STXBP4: variants seen among roughly 807,000 people sequenced by gnomAD.
STXBP4 encodes syntaxin-binding protein 4.
Under a neutral mutation model 76.1 loss-of-function variants are expected in STXBP4, and 55 were observed. That is an observed-to-expected ratio of 0.72 (90% CI 0.58 to 0.91). The LOEUF (loss-of-function observed/expected upper bound fraction) is 0.91. Among genes scored for constraint, STXBP4 ranks in the 40% least tolerant of loss-of-function variants. STXBP4 has a pLI of 0.00. For missense variants in STXBP4, 618 were observed against 636.9 expected, an observed-to-expected ratio of 0.97 and a Z score of 0.32; for synonymous variants, 201 against 220.2, an observed-to-expected ratio of 0.91 and a Z score of 0.77.
rs763657265 is a variant in STXBP4 at position 54,990,871 on chromosome 17, G to T, written c.94G>T (p.Gly32Cys). The T allele has an allele frequency of 6.2e-7, 1 of 1,604,160 alleles. No individual in the cohort carries two copies. The highest frequency in any genetic ancestry group is 8.5e-7 in the Non-Finnish European group (1 of 1,176,846). The stretch of plus-strand genomic sequence containing the variant: ...TACAATTGCCAAGGAAACAGGCCTT[G>T]GCCTGAAGGTACTAGGAGGAATTAA... ...MITIAKETGL[G>C]LKVLGGINRN... The change falls in exon 4 of 18, where the codon GGC becomes TGC. Residue 32 changes from glycine (G) to cysteine (C), a missense_variant. By Grantham distance (159) the Gly-to-Cys change is radical (BLOSUM62 -3). Coordinates refer to ENST00000376352, the MANE Select transcript of STXBP4 (RefSeq NM_178509.6).
the STXBP4 span, among the ~76,000 whole-genome samples, chr17:55,202,429 TTAAA>T: frequency 6.6e-6 from 1 of 151,946 alleles, no homozygotes; most frequent in Non-Finnish European, 1.5e-5. Context: ...TTTCACAAAA[TTAAA>T]TGACATTTAA....
Position 55,047,095 on chromosome 17 carries a change from T to C in STXBP4, c.952T>C (p.Leu318=). ...TGGTGGTTTTTAAATATAGGAAAAA[T>C]TATTGGAATCAGATAAGCAAAGGAA... is the stretch of plus-strand genomic sequence containing the variant. The part of the protein sequence containing the change: ...LKEVNTLKEK[L]LESDKQRKQL... Residue 318 remains leucine, a synonymous_variant, in exon 12 of 18, where the codon TTA becomes CTA. Transcript: ENST00000376352. The C allele has an allele frequency of 6.2e-7, 1 of 1,601,306 alleles. No individual in the cohort carries two copies.
chr17:55,207,321 C>T, the STXBP4 span, among the ~76,000 whole-genome samples: 1 of 152,140 alleles, frequency 6.6e-6, no homozygotes, highest in East Asian at 1.9e-4. Context: ...CTCCCACAGA[C>T]ACACTCGAGG....
intron 16 of STXBP4, among the ~76,000 whole-genome samples, chr17:55,122,093 T>G (rs1024717971): frequency 7.2e-5 from 11 of 152,196 alleles, no homozygotes; most frequent in African/African-American, 2.7e-4. Flanking sequence ...TATGCCACAT[T>G]TTTTTCTAAA....
Position 55,144,309 on chromosome 17 carries a change from G to GT in STXBP4, c.1547+2951dup, listed in dbSNP as rs202053736. Among the ~76,000 whole-genome samples the GT allele has an allele frequency of 2.2e-4, 34 of 151,552 alleles. 1 individual carries two copies. Among genetic ancestry groups the GT allele is most frequent in the South Asian group, 4.2e-4 (2 of 4,772 alleles). On this transcript the variant is annotated intron_variant, in intron 17 of 17. Coordinates refer to ENST00000376352, the MANE Select transcript of STXBP4 (RefSeq NM_178509.6). ...GGAATGGGGTGTTTGGCATAAGTTA[G>GT]TTTTTTTTTGTTGGAACTTAACCCT... is the stretch of plus-strand genomic sequence containing the variant.
chr17:55,102,504 AT>A (rs2079579351), intron 16 of STXBP4, among the ~76,000 whole-genome samples: 1 of 151,822 alleles, frequency 6.6e-6, no homozygotes, highest in Non-Finnish European at 1.5e-5. Context: ...TATGTGCGAT[AT>A]TTTCTTTATC....
intron 16 of STXBP4, among the ~76,000 whole-genome samples, chr17:55,126,739 C>T (rs2079917109): frequency 6.6e-6 from 1 of 152,140 alleles, no homozygotes; most frequent in Non-Finnish European, 1.5e-5. Flanking sequence ...GAAATCATTC[C>T]AAAGTGCTTA....
chr17:55,198,656 GA>G, the STXBP4 span, among the ~76,000 whole-genome samples: 1 of 152,156 alleles, frequency 6.6e-6, no homozygotes, highest in African/African-American at 2.4e-5. Context: ...GACTTTAAAT[GA>G]AGCAGATCTG....
In STXBP4 at chr17:55,043,160, CA is replaced by C. The variant is rs1385671890; in HGVS notation, c.856-71del. Reference sequence around the variant, plus strand: ...TAGAATACAGAAGCCTAAGATTAGTCAAAAATGATTTTTATGTTACCTCTCA... The same window carrying C: ...TAGAATACAGAAGCCTAAGATTAGTCAAAATGATTTTTATGTTACCTCTCA... On this transcript the variant is annotated intron_variant, in intron 10 of 17. Transcript: ENST00000376352. 1.2e-5 allele frequency: 8 copies of C among 690,000 alleles called. No homozygotes were observed. The South Asian group carries it at 1.4e-4, about 12-fold the overall frequency. 42.7% of individuals were successfully genotyped at this position (690,000 alleles called of 1,614,324 possible).
chr17:55,023,546 T>A (rs1038456080), intron 8 of STXBP4, among the ~76,000 whole-genome samples: 66 of 152,262 alleles, frequency 4.3e-4, no homozygotes, highest in Non-Finnish European at 6.6e-4. Context: ...GGACAATTTG[T>A]GGTGTTGTTT....
At chr17:55,079,186 A>G (rs1054833477) in intron 15 of STXBP4, among the ~76,000 whole-genome samples, 6 of 152,170 alleles carry the variant, frequency 3.9e-5, no homozygotes, top group African/African-American at 1.4e-4. Context: ...GTAGCTATAA[A>G]TAAAAGAAAT....
At chr17:55,018,618 A>T (rs1439428115) in intron 8 of STXBP4, among the ~76,000 whole-genome samples, 2 of 152,240 alleles carry the variant, frequency 1.3e-5, no homozygotes, top group African/African-American at 4.8e-5. Flanking sequence ...AAACAGGCTG[A>T]GTCCAAAAAA....
At chr17:55,194,433 A>G in the STXBP4 span, among the ~76,000 whole-genome samples, 5 of 152,158 alleles carry the variant, frequency 3.3e-5, no homozygotes, top group African/African-American at 9.7e-5. Context: ...GCAGTGAGGA[A>G]TCTAGAGCTC....
the STXBP4 span, among the ~76,000 whole-genome samples, chr17:55,179,448 G>T: frequency 2.0e-5 from 3 of 152,108 alleles, no homozygotes; most frequent in Non-Finnish European, 4.4e-5. Flanking sequence ...TGGGCTGCAG[G>T]CATCTCATTA....
chr17:55,148,890 G>A (rs1280240456), intron 17 of STXBP4, among the ~76,000 whole-genome samples: 1 of 152,140 alleles, frequency 6.6e-6, no homozygotes, highest in African/African-American at 2.4e-5. Context: ...TCATTAATTT[G>A]GGGGCTTTGA....
chr17:54,970,560 T>C (rs2077380391), intron 1 of STXBP4, among the ~76,000 whole-genome samples: 1 of 152,230 alleles, frequency 6.6e-6, no homozygotes, highest in Non-Finnish European at 1.5e-5. Context: ...TCATATTGTG[T>C]GATGACAGTG....
intron 12 of STXBP4, among the ~76,000 whole-genome samples, chr17:55,059,268 A>T (rs1332904420): frequency 1.3e-5 from 2 of 152,152 alleles, no homozygotes; most frequent in African/African-American, 4.8e-5. Context: ...TACTGTGTGT[A>T]CATATTGGTG....
chr17:55,038,987 G>A (rs2078650584), intron 10 of STXBP4, among the ~76,000 whole-genome samples: 1 of 152,074 alleles, frequency 6.6e-6, no homozygotes, highest in Non-Finnish European at 1.5e-5. Context: ...TTCTCACCAC[G>A]TATAGCAGTA....
Position 54,984,346 on chromosome 17 carries a change from T to C in STXBP4, c.-156-1268T>C, listed in dbSNP as rs1467564967. On this transcript the variant is annotated intron_variant, in intron 1 of 17. Transcript: ENST00000376352. ...ACTCTCTTTTTCTTTTTTCTTTTTT[T>C]TTTTTTTTTTTTTTGAGACGGAGTC... 3.9e-4 allele frequency among the ~76,000 whole-genome samples: 51 copies of C among 129,116 alleles called. No individual in the cohort carries two copies. The East Asian group carries it at 4.4e-3, about 11-fold the overall frequency. 84.7% of individuals were successfully genotyped at this position (129,116 alleles called of 152,430 possible).
Sources: gnomAD v4.1 joint callset for allele counts (sites outside exome capture counted in the v4.1 genomes callset) on GRCh38, gnomAD v4.1.1 for gene constraint, MANE v1.5 for transcripts, NCBI Gene and HGNC (gene_info 2026-07-23, HGNC 2026-07-21) for gene names.